ACSBG1: variants seen among roughly 807,000 people sequenced by gnomAD.
ACSBG1 encodes the protein acyl-CoA synthetase bubblegum family member 1.
A neutral mutation model predicts 80.2 loss-of-function variants in ACSBG1; 39 were observed. The ratio of observed to expected loss-of-function variants is 0.49; its 90% CI spans 0.38 to 0.64. The LOEUF is 0.64. Ranked by LOEUF, ACSBG1 falls within the 30% of genes least tolerant of loss-of-function variation. ACSBG1 has a pLI of 0.00. For synonymous variants in ACSBG1, 392 were observed against 379.5 expected (o/e 1.03, Z -0.38); for missense variants, 828 against 966.4 (o/e 0.86, Z 1.90).
chr15:78,202,403 G>A (rs1181719515), intron 2 of ACSBG1, among the ~76,000 whole-genome samples: 1 of 152,052 alleles, frequency 6.6e-6, no homozygotes, highest in Non-Finnish European at 1.5e-5. Flanking sequence ...TAGAGACGGG[G>A]TATCACTATG....
intron 1 of ACSBG1, among the ~76,000 whole-genome samples, chr15:78,211,867 G>T (rs1040296252): frequency 2.6e-5 from 4 of 152,172 alleles, no homozygotes; most frequent in Non-Finnish European, 5.9e-5. Flanking sequence ...GTGGCCCTTG[G>T]ATACTCAGGT....
intron 2 of ACSBG1, among the ~76,000 whole-genome samples, chr15:78,195,253 C>T (rs147801996): frequency 5.3e-4 from 80 of 152,312 alleles, no homozygotes; most frequent in African/African-American, 1.9e-3. Flanking sequence ...ACAGTCTTTG[C>T]TCATTCTCCT....
chr15:78,174,665 G>A (rs2074865367), intron 11 of ACSBG1, 141 bp from the exon 12 acceptor site: 2 of 1,057,426 alleles, frequency 1.9e-6, no homozygotes, highest in African/African-American at 1.6e-5. Context: ...AGCAGTGGCA[G>A]GCCCTCCAAA....
intron 5 of ACSBG1, among the ~76,000 whole-genome samples, chr15:78,189,574 A>G (rs2075038439): frequency 6.6e-6 from 1 of 152,124 alleles, no homozygotes; most frequent in Admixed American, 6.6e-5. Context: ...CGCAAGAACA[A>G]AAAAACCAAA....
chr15:78,212,393 A>G (rs2075273929), intron 1 of ACSBG1, among the ~76,000 whole-genome samples: 1 of 152,140 alleles, frequency 6.6e-6, no homozygotes, highest in Admixed American at 6.5e-5. Context: ...GGGGCTCAAG[A>G]AGAAAAGGAT....
intron 2 of ACSBG1, 132 bp downstream of exon 2, chr15:78,207,870 A>C: frequency 1.4e-6 from 1 of 718,844 alleles, no homozygotes; most frequent in Admixed American, 2.2e-5. Flanking sequence ...GGGAGCGTGG[A>C]ACCAGCAAGA....
intron 1 of ACSBG1, among the ~76,000 whole-genome samples, chr15:78,217,081 C>T (rs1230255693): frequency 6.6e-6 from 1 of 152,208 alleles, no homozygotes; most frequent in African/African-American, 2.4e-5. Flanking sequence ...TCATCTAGGG[C>T]TCTGGGCTGG....
intron 1 of ACSBG1, among the ~76,000 whole-genome samples, chr15:78,232,347 C>T (rs146523378): frequency 7.0e-4 from 107 of 152,342 alleles, no homozygotes; most frequent in Admixed American, 3.0e-3. Flanking sequence ...TCTTTCCCTA[C>T]GGGGTCCCAA....
intron 12 of ACSBG1, 107 bp from the exon 13 acceptor site, chr15:78,173,946 C>T: frequency 7.3e-7 from 1 of 1,365,128 alleles, no homozygotes; most frequent in South Asian, 1.5e-5. Context: ...ATCATGTGAG[C>T]TCTGTTTCAA....
At chr15:78,216,219 C>A (rs956426984) in intron 1 of ACSBG1, among the ~76,000 whole-genome samples, 2 of 152,192 alleles carry the variant, frequency 1.3e-5, no homozygotes, top group African/African-American at 4.8e-5. Context: ...CTCCTCTGTG[C>A]CGGATGTTGC....
At chr15:78,218,442 C>T (rs978395752) in intron 1 of ACSBG1, among the ~76,000 whole-genome samples, 22 of 152,086 alleles carry the variant, frequency 1.4e-4, no homozygotes, top group Non-Finnish European at 2.6e-4. Context: ...AGCCTGTACA[C>T]GTGAGAGGCA....
intron 5 of ACSBG1, among the ~76,000 whole-genome samples, chr15:78,192,476 C>T (rs995959734): frequency 1.3e-5 from 2 of 152,198 alleles, no homozygotes; most frequent in Admixed American, 6.5e-5. Context: ...AAGTTCTTGG[C>T]CTGGGCTGCC....
At chr15:78,215,718 AAGAAAG>A (rs1261749016) in intron 1 of ACSBG1, among the ~76,000 whole-genome samples, 19 of 134,842 alleles carry the variant, frequency 1.4e-4, no homozygotes, top group Non-Finnish European at 2.0e-4. Flanking sequence ...GAGAGAAAGA[AAGAAAG>A]AGAAAGAAAG....
At chr15:78,226,352 A>C (rs1341806004) in intron 1 of ACSBG1, 1 of 152,254 alleles carries the variant, frequency 6.6e-6, no homozygotes, top group Admixed American at 6.5e-5. Context: ...ATCAGAGGGC[A>C]AGAATCACTG....
At chr15:78,212,631 T>G (rs950807734) in intron 1 of ACSBG1, 5 of 455,258 alleles carry the variant, frequency 1.1e-5, no homozygotes, top group Non-Finnish European at 2.2e-5. Flanking sequence ...TCTGTGAGCT[T>G]GCCCAGGAGA....
chr15:78,174,553 C>G (rs1178309040), intron 11 of ACSBG1, 29 bp from the exon 12 acceptor site: 1 of 1,605,196 alleles, frequency 6.2e-7, no homozygotes, highest in Non-Finnish European at 8.5e-7. Context: ...GCCCCCGGCA[C>G]AGAATGTAGT....
intron 1 of ACSBG1, among the ~76,000 whole-genome samples, chr15:78,230,279 C>T (rs886068818): frequency 2.6e-5 from 4 of 152,212 alleles, no homozygotes; most frequent in Non-Finnish European, 4.4e-5. Context: ...CTGTTTCCTC[C>T]GGACACCTGC....
At chr15:78,231,126 TTTTC>T (rs1220659609) in intron 1 of ACSBG1, among the ~76,000 whole-genome samples, 2 of 152,082 alleles carry the variant, frequency 1.3e-5, no homozygotes, top group African/African-American at 2.4e-5. Context: ...GCTAATTTTT[TTTTC>T]TTTTTTTGAG....
intron 2 of ACSBG1, among the ~76,000 whole-genome samples, chr15:78,206,071 T>C (rs1200629565): frequency 1.3e-5 from 2 of 152,188 alleles, no homozygotes; most frequent in African/African-American, 2.4e-5. Flanking sequence ...GGGCAGAGCA[T>C]GGCCCCCGAG....
Sources: allele counts gnomAD v4.1 joint callset (sites outside exome capture counted in the v4.1 genomes callset), GRCh38; gene constraint gnomAD v4.1.1; transcripts MANE v1.5; gene names NCBI Gene and HGNC (gene_info 2026-07-23, HGNC 2026-07-21).